DCAF1: variants seen among roughly 807,000 people sequenced by gnomAD.
DCAF1 encodes DDB1 and CUL4 associated factor 1.
A neutral mutation model predicts 128.0 loss-of-function variants in DCAF1; 15 were observed. That is an observed-to-expected ratio of 0.12 (90% CI 0.08 to 0.18). The LOEUF is 0.18. DCAF1 is among the 10% of genes least tolerant of loss of function. The probability of loss-of-function intolerance (pLI) is 1.00; values close to 1 mark genes in which losing one functional copy is unlikely to be tolerated. For synonymous variants in DCAF1, 610 were observed against 603.0 expected, an observed-to-expected ratio of 1.01 and a Z score of -0.17; for missense variants, 988 against 1,649.5, an observed-to-expected ratio of 0.60 and a Z score of 6.95.
intron 3 of DCAF1, among the ~76,000 whole-genome samples, chr3:51,482,033 T>C (rs781829655): frequency 1.3e-5 from 2 of 151,990 alleles, no homozygotes; most frequent in African/African-American, 2.4e-5. Flanking sequence ...TTTAAAACCA[T>C]TCAGTTTAAA....
At chr3:51,468,431 C>T (rs1402791549) in intron 4 of DCAF1, among the ~76,000 whole-genome samples, 5 of 152,160 alleles carry the variant, frequency 3.3e-5, no homozygotes, top group Non-Finnish European at 7.3e-5. Flanking sequence ...CTCAGCCTCC[C>T]AAAGTGCTGG....
intron 6 of DCAF1, among the ~76,000 whole-genome samples, chr3:51,448,028 G>T (rs1198232806): frequency 2.0e-5 from 3 of 151,902 alleles, no homozygotes; most frequent in Non-Finnish European, 4.4e-5. Flanking sequence ...CTGCCGCTGT[G>T]GCAAAGTTTG....
rs1332903211 is a variant in DCAF1, at chr3:51,483,605, TAG to T, written c.110+112_110+113del. The T allele has an allele frequency of 2.3e-5, 13 of 569,904 alleles. No homozygotes were observed. The East Asian group carries it at 3.8e-4, about 16-fold the overall frequency. The allele number at this position is 569,904 out of a possible 1,614,324, so 35.3% of individuals were successfully genotyped here. The stretch of plus-strand genomic sequence containing the variant: ...CACCAATTTTTGCTTCTTTTTAAAC[TAG>T]TTTGTGTGTGTGTGTGTGTGTGTGT... On this transcript the variant is annotated intron_variant, in intron 3 of 24. Transcript: ENST00000684031.
rs565159278 is a variant in DCAF1 at position 51,436,303 on chromosome 3, C to G, written c.1129-3039G>C. The stretch of plus-strand genomic sequence containing the variant: ...ACATGTTACTCAGCAGAGTTCTAGG[C>G]TTGAAAGAGAACTAACAAACACTGG... On this transcript the variant is annotated intron_variant, in intron 9 of 24. Transcript: ENST00000684031. The G allele has an allele frequency of 9.4e-5, 47 of 501,062 alleles. 1 individual carries two copies. The highest frequency in any genetic ancestry group is 8.5e-4 in the African/African-American group (44 of 51,706). 31.0% of individuals were successfully genotyped at this position (501,062 alleles called of 1,614,324 possible). A position where few individuals can be genotyped will look rare whatever the true frequency, so the allele number is the denominator to read the frequency against.
At position 51,398,480 on chromosome 3, in the gene DCAF1, T is replaced by C. The variant is rs1005576586; in HGVS notation, c.*289A>G. 2.6e-5 allele frequency: 9 copies of C among 344,508 alleles called. No homozygotes were observed. The highest frequency in any genetic ancestry group is 1.9e-4 in the African/African-American group (9 of 46,610). The allele number at this position is 344,508 out of a possible 1,614,324, so 21.3% of individuals were successfully genotyped here. On this transcript the variant is annotated 3_prime_UTR_variant, in exon 25 of 25. Coordinates refer to ENST00000684031, the MANE Select transcript of DCAF1 (RefSeq NM_001387579.1). ...TATATTGTGAAATACCCCAGAGACA[T>C]GGTTTTTTTTTCCCCTTGAAAGATA...
At position 51,403,387 on chromosome 3, in the gene DCAF1, T is replaced by G. The variant is rs782224371; in HGVS notation, c.4221A>C (p.Glu1407Asp). Residue 1407 changes from glutamate (E) to aspartate (D), a missense_variant, in exon 24 of 25, where the codon GAA (glutamate) becomes GAC (aspartate). Coordinates refer to ENST00000684031, the MANE Select transcript of DCAF1 (RefSeq NM_001387579.1). ...CATCATCATCTTCTTCCTCCTGTTC[T>G]TCCTCTTCCTGGTAAGAAAGCGTAA... is the stretch of plus-strand genomic sequence containing the variant. ...DEDEEEDQEE[E>D]EQEEEDDDED... 4.8e-5 allele frequency: 74 copies of G among 1,552,052 alleles called. No individual in the cohort carries two copies. The South Asian group carries it at 8.0e-4, about 17-fold the overall frequency.
chr3:51,439,507 T>C (rs535965794), intron 9 of DCAF1, among the ~76,000 whole-genome samples: 13 of 145,522 alleles, frequency 8.9e-5, no homozygotes, highest in Non-Finnish European at 1.5e-4. Context: ...AATGGCACGA[T>C]CTCTGCTCAC....
chr3:51,467,787 G>C (rs1553647051), intron 4 of DCAF1, among the ~76,000 whole-genome samples: 3 of 152,144 alleles, frequency 2.0e-5, no homozygotes, highest in Admixed American at 2.0e-4. Context: ...ACTAGATCCA[G>C]ATGAGCATCA....
chr3:51,421,720 C>G (rs1211155562), intron 14 of DCAF1, among the ~76,000 whole-genome samples: 2 of 152,170 alleles, frequency 1.3e-5, no homozygotes, highest in Admixed American at 1.3e-4. Flanking sequence ...CATCACACGA[C>G]TTCCCATGCT....
chr3:51,485,843 C>G (rs1330148950), intron 2 of DCAF1, among the ~76,000 whole-genome samples: 1 of 151,818 alleles, frequency 6.6e-6, no homozygotes, highest in Admixed American at 6.6e-5. Context: ...AGGAAAATAC[C>G]TGCCCTACCC....
At chr3:51,469,683 T>C (rs1553647820) in intron 4 of DCAF1, among the ~76,000 whole-genome samples, 1 of 152,166 alleles carries the variant, frequency 6.6e-6, no homozygotes, top group African/African-American at 2.4e-5. Context: ...TCTGTACCAC[T>C]GTAGCAAATT....
chr3:51,467,236 G>A (rs1704221701), intron 4 of DCAF1, among the ~76,000 whole-genome samples: 1 of 152,090 alleles, frequency 6.6e-6, no homozygotes, highest in Non-Finnish European at 1.5e-5. Flanking sequence ...GGAGGCTGAG[G>A]CAGGAGAATT....
chr3:51,458,862 C>G (rs1390152696), intron 6 of DCAF1, among the ~76,000 whole-genome samples: 1 of 152,116 alleles, frequency 6.6e-6, no homozygotes, highest in Non-Finnish European at 1.5e-5. Context: ...TTCTTTGAAA[C>G]CAATGAGAAC....
intron 5 of DCAF1, 26 bp downstream of exon 5, chr3:51,466,777 T>A (rs782541339): frequency 1.9e-6 from 3 of 1,607,720 alleles, no homozygotes; most frequent in Non-Finnish European, 2.6e-6. Context: ...TGATAATCGC[T>A]GGAGAAAAGT....
At chr3:51,435,711 CAAAAAAAA>C (rs879994512) in intron 9 of DCAF1, among the ~76,000 whole-genome samples, 1 of 140,816 alleles carries the variant, frequency 7.1e-6, no homozygotes, top group Non-Finnish European at 1.5e-5. Context: ...AACTCTGTCT[CAAAAAAAA>C]AAAAAAAATT....
chr3:51,409,621 G>A (rs368595044), intron 23 of DCAF1, among the ~76,000 whole-genome samples: 4 of 152,154 alleles, frequency 2.6e-5, no homozygotes, highest in African/African-American at 4.8e-5. Context: ...ATAAACCCAC[G>A]GAGGACAAAG....
rs1231610467 is a variant in DCAF1 at position 51,496,726 on chromosome 3, T to C, written c.-9+8A>G. Among the ~76,000 whole-genome samples, 1 of 152,124 alleles carries C rather than the reference T, an allele frequency of 6.6e-6. No individual in the cohort carries two copies. The highest frequency in any genetic ancestry group is 1.5e-5 in the Non-Finnish European group (1 of 68,028). On this transcript the variant is annotated splice_region_variant and intron_variant, in intron 2 of 24. Coordinates refer to ENST00000684031, the MANE Select transcript of DCAF1 (RefSeq NM_001387579.1). Reference sequence around the variant, plus strand: ...TCAAGGATTCAAATCCCAACTCTGCTGACATACCTGTGAAGTCTTGGTTAT... The same window carrying C: ...TCAAGGATTCAAATCCCAACTCTGCCGACATACCTGTGAAGTCTTGGTTAT...
At chr3:51,417,015 A>G (rs1364252560) in intron 17 of DCAF1, 144 bp from the exon 18 acceptor site, 8 of 1,308,228 alleles carry the variant, frequency 6.1e-6, no homozygotes, top group Non-Finnish European at 6.2e-6. Flanking sequence ...ACAATCATAC[A>G]CTTAGATTAC....
chr3:51,472,415 G>T (rs527856732), intron 3 of DCAF1, among the ~76,000 whole-genome samples: 6 of 152,032 alleles, frequency 3.9e-5, no homozygotes, highest in African/African-American at 1.4e-4. Flanking sequence ...TTGCTATGTT[G>T]CCCAGGCTGG....
Sources: gnomAD v4.1 joint callset for allele counts (sites outside exome capture counted in the v4.1 genomes callset) on GRCh38, gnomAD v4.1.1 for gene constraint, MANE v1.5 for transcripts, NCBI Gene and HGNC (gene_info 2026-07-23, HGNC 2026-07-21) for gene names.